CADM2: variants seen among roughly 807,000 people sequenced by gnomAD.
CADM2 encodes immunoglobulin superfamily member 4D.
A neutral mutation model predicts 49.8 loss-of-function variants in CADM2; 12 were observed. The observed-to-expected ratio is 0.24, with a 90% CI of 0.15 to 0.39. The LOEUF (loss-of-function observed/expected upper bound fraction) is 0.39. Ranked by LOEUF, CADM2 falls within the 10% of genes least tolerant of loss-of-function variation. The pLI is 1.00. For missense variants in CADM2, 378 were observed against 492.3 expected, an observed-to-expected ratio of 0.77 and a Z score of 2.20; for synonymous variants, 214 against 175.4, an observed-to-expected ratio of 1.22 and a Z score of -1.74.
chr3:85,283,168 A>G (rs933145446), intron 1 of CADM2, among the ~76,000 whole-genome samples: 1 of 151,992 alleles, frequency 6.6e-6, no homozygotes, highest in Admixed American at 6.6e-5. Context: ...AATTATTATA[A>G]TTTATATTTT....
At chr3:85,639,691 T>C (rs2064645445) in intron 1 of CADM2, among the ~76,000 whole-genome samples, 1 of 152,166 alleles carries the variant, frequency 6.6e-6, no homozygotes, top group African/African-American at 2.4e-5. Flanking sequence ...AGTGTTTGTA[T>C]GATGTATTTG....
chr3:85,784,878 T>C (rs1400983069), intron 2 of CADM2, among the ~76,000 whole-genome samples: 2 of 152,168 alleles, frequency 1.3e-5, no homozygotes, highest in Non-Finnish European at 2.9e-5. Flanking sequence ...GTTCTTTAAA[T>C]ATTTGTAGAA....
chr3:85,246,913 G>C (rs2042661892), intron 1 of CADM2, among the ~76,000 whole-genome samples: 1 of 151,860 alleles, frequency 6.6e-6, no homozygotes, highest in African/African-American at 2.4e-5. Context: ...GATTTTCTTT[G>C]GAGTTTTATG....
chr3:85,546,337 C>A (rs1559901196), intron 1 of CADM2, among the ~76,000 whole-genome samples: 1 of 152,122 alleles, frequency 6.6e-6, no homozygotes, highest in Non-Finnish European at 1.5e-5. Flanking sequence ...TCTTTGATAG[C>A]ATCATCCAGA....
intron 1 of CADM2, among the ~76,000 whole-genome samples, chr3:85,170,035 C>G (rs2040576956): frequency 6.6e-6 from 1 of 152,096 alleles, no homozygotes; most frequent in Non-Finnish European, 1.5e-5. Flanking sequence ...TTGTCACAAA[C>G]TAAAGAACCC....
At chr3:85,506,087 A>G (rs11920184) in intron 1 of CADM2, among the ~76,000 whole-genome samples, 46,672 of 152,090 alleles carry the variant, frequency 0.31, 8,158 homozygotes, top group East Asian at 0.55. Flanking sequence ...TACTATCAGC[A>G]CCAGGGTGTA....
At chr3:86,034,188 T>G (rs1223980686) in intron 8 of CADM2, among the ~76,000 whole-genome samples, 1 of 152,000 alleles carries the variant, frequency 6.6e-6, no homozygotes, top group Non-Finnish European at 1.5e-5. Flanking sequence ...CTCATTTTAC[T>G]ACTTCCTGGT....
chr3:85,262,424 G>T (rs2107893753), intron 1 of CADM2, among the ~76,000 whole-genome samples: 1 of 152,116 alleles, frequency 6.6e-6, no homozygotes, highest in East Asian at 1.9e-4. Context: ...AAACCAAGTT[G>T]ACATGGATTC....
chr3:85,412,071 G>T (rs768031058), intron 1 of CADM2, among the ~76,000 whole-genome samples: 2 of 152,060 alleles, frequency 1.3e-5, no homozygotes, highest in Non-Finnish European at 2.9e-5. Flanking sequence ...CAAGTGATCT[G>T]CCCACACTTT....
intron 1 of CADM2, among the ~76,000 whole-genome samples, chr3:85,347,223 C>CAAAAAAAAAAAAAAAAAAAAAAAAAA (rs11331703): frequency 2.2e-5 from 1 of 46,138 alleles, no homozygotes; most frequent in Non-Finnish European, 3.4e-5. Context: ...CTCTGTCTCA[C>CAAAAAAAAAAAAAAAAAAAAAAAAAA]AAAAAAAAAA....
chr3:85,841,573 A>G (rs1439290623), intron 3 of CADM2, among the ~76,000 whole-genome samples: 3 of 151,996 alleles, frequency 2.0e-5, no homozygotes, highest in Non-Finnish European at 4.4e-5. Flanking sequence ...CTAAAGTCTG[A>G]TAGCTTGTTT....
chr3:85,231,667 C>A (rs77839129), intron 1 of CADM2, among the ~76,000 whole-genome samples: 24,899 of 147,846 alleles, frequency 0.17, 3,873 homozygotes, highest in African/African-American at 0.42. Flanking sequence ...GCTCAAAAAA[C>A]AAATAAGTGG....
intron 1 of CADM2, among the ~76,000 whole-genome samples, chr3:85,332,892 T>A (rs570508123): frequency 1.3e-5 from 2 of 151,926 alleles, no homozygotes; most frequent in African/African-American, 4.8e-5. Flanking sequence ...AGTTTGTTGA[T>A]AAATATGTAT....
chr3:85,775,054 A>T (rs1000988192), intron 2 of CADM2, among the ~76,000 whole-genome samples: 1 of 151,758 alleles, frequency 6.6e-6, no homozygotes, highest in Non-Finnish European at 1.5e-5. Flanking sequence ...GCCCTTTACT[A>T]TAGCACTTTT....
At chr3:85,157,278 A>G (rs941708700) in intron 1 of CADM2, among the ~76,000 whole-genome samples, 3 of 151,010 alleles carry the variant, frequency 2.0e-5, no homozygotes, top group Admixed American at 1.3e-4. Context: ...AGTAATTTAC[A>G]GATTCAATGC....
At chr3:85,956,188 C>T (rs1206904322) in intron 7 of CADM2, among the ~76,000 whole-genome samples, 2 of 151,572 alleles carry the variant, frequency 1.3e-5, no homozygotes, top group Non-Finnish European at 3.0e-5. Flanking sequence ...AGCTCCTACT[C>T]TTTTTTCAGC....
chr3:86,066,047 T>G (rs535103285), intron 9 of CADM2, among the ~76,000 whole-genome samples: 6 of 152,142 alleles, frequency 3.9e-5, no homozygotes, highest in African/African-American at 1.4e-4. Flanking sequence ...TGGTTGATGT[T>G]TTTGTCAGTT....
intron 1 of CADM2, among the ~76,000 whole-genome samples, chr3:85,374,974 T>G (rs1440032285): frequency 6.6e-6 from 1 of 152,080 alleles, no homozygotes; most frequent in Non-Finnish European, 1.5e-5. Context: ...CTTTTGATGG[T>G]TGCTCAGGAA....
intron 1 of CADM2, among the ~76,000 whole-genome samples, chr3:85,227,275 C>T (rs1371964050): frequency 6.6e-6 from 1 of 151,982 alleles, no homozygotes; most frequent in Non-Finnish European, 1.5e-5. Context: ...TTTTGTAGGT[C>T]TCTAAGAACT....
Sources: gnomAD v4.1 joint callset for allele counts (sites outside exome capture counted in the v4.1 genomes callset) on GRCh38, gnomAD v4.1.1 for gene constraint, MANE v1.5 for transcripts, NCBI Gene and HGNC (gene_info 2026-07-23, HGNC 2026-07-21) for gene names.